THADA: variants seen among roughly 807,000 people sequenced by gnomAD.
THADA encodes the protein tRNA (32-2'-O)-methyltransferase regulator THADA.
A neutral mutation model predicts 219.8 loss-of-function variants in THADA; 213 were observed. That is an observed-to-expected ratio of 0.97 (90% confidence interval 0.87 to 1.09). The LOEUF is 1.09. Among genes scored for constraint, THADA ranks in the 50% least tolerant of loss-of-function variants. The pLI is 0.00. For synonymous variants in THADA, 1,018 were observed against 828.9 expected (o/e 1.23, Z -3.92); for missense variants, 2,956 against 2,311.3 (o/e 1.28, Z -5.72).
At chr2:43,318,211 A>ATT (rs1013892758) in intron 31 of THADA, among the ~76,000 whole-genome samples, 1 of 144,430 alleles carries the variant, frequency 6.9e-6, no homozygotes, top group Non-Finnish European at 1.5e-5. Flanking sequence ...GGCTAATTAA[A>ATT]TTTTTTTTTT....
intron 29 of THADA, among the ~76,000 whole-genome samples, chr2:43,373,303 A>T (rs1428292545): frequency 6.6e-6 from 1 of 152,184 alleles, no homozygotes; most frequent in Non-Finnish European, 1.5e-5. Context: ...CAACATTTTC[A>T]CTATCTCTAT....
rs370411818 is a variant in THADA at position 43,592,349 on chromosome 2, G to A, written c.44C>T (p.Thr15Ile). The change falls in exon 2 of 38, where the codon ACC becomes ATC. Residue 15 changes from threonine (T) to isoleucine (I), a missense_variant. By Grantham distance (89) the Thr-to-Ile change is moderately conservative. Transcript: ENST00000405975. ...KKKEMQVAAL[T>I]ICHQDLETLK... is the part of the protein sequence containing the mutation. ...AGTTTCAAGGTCCTGATGGCAAATG[G>A]TCAGCGCAGCAACTTGCATTTCTTT... 8 of 1,608,782 alleles carry A rather than the reference G, an allele frequency of 5.0e-6. No individual in the cohort carries two copies. Among genetic ancestry groups the A allele is most frequent in the Non-Finnish European group, 6.8e-6 (8 of 1,177,618 alleles).
At chr2:43,383,320 C>G (rs930268899) in intron 29 of THADA, among the ~76,000 whole-genome samples, 1 of 152,098 alleles carries the variant, frequency 6.6e-6, no homozygotes, top group African/African-American at 2.4e-5. Context: ...AGGCACAATC[C>G]CTGCCGTCCA....
intron 28 of THADA, among the ~76,000 whole-genome samples, chr2:43,425,638 C>T (rs1306584309): frequency 3.3e-5 from 5 of 152,120 alleles, no homozygotes; most frequent in Non-Finnish European, 7.3e-5. Flanking sequence ...TATATGATAG[C>T]CAAGTGATAT....
intron 22 of THADA, among the ~76,000 whole-genome samples, chr2:43,526,774 A>C (rs6726917): frequency 0.12 from 18,940 of 152,128 alleles, 1,434 homozygotes; most frequent in African/African-American, 0.21. Flanking sequence ...TCAAACTAAA[A>C]CATAAGCTCT....
chr2:43,446,542 C>T (rs1349428871), intron 26 of THADA, among the ~76,000 whole-genome samples: 1 of 152,162 alleles, frequency 6.6e-6, no homozygotes, highest in Non-Finnish European at 1.5e-5. Flanking sequence ...TTCTATCAGC[C>T]CCAGCTGAGG....
At chr2:43,357,625 A>G (rs566650345) in intron 29 of THADA, among the ~76,000 whole-genome samples, 72 of 152,336 alleles carry the variant, frequency 4.7e-4, no homozygotes, top group African/African-American at 1.7e-3. Context: ...GAAATGACCA[A>G]TACGGGACCA....
At chr2:43,548,541 G>C (rs891424052) in intron 20 of THADA, among the ~76,000 whole-genome samples, 1 of 152,184 alleles carries the variant, frequency 6.6e-6, no homozygotes, top group Non-Finnish European at 1.5e-5. Flanking sequence ...CTTCCTGCCT[G>C]CTTTGTTTAC....
intron 26 of THADA, among the ~76,000 whole-genome samples, chr2:43,464,215 G>A (rs948524714): frequency 3.9e-5 from 6 of 152,032 alleles, no homozygotes; most frequent in Non-Finnish European, 8.8e-5. Flanking sequence ...CCAACTTGAA[G>A]AGCAACTTCT....
chr2:43,445,728 C>G (rs778710871), intron 26 of THADA, among the ~76,000 whole-genome samples: 1 of 152,098 alleles, frequency 6.6e-6, no homozygotes, highest in Non-Finnish European at 1.5e-5. Context: ...GCTAAGAGTG[C>G]GGTAGCACAG....
At chr2:43,331,918 TACAC>T (rs141276481) in intron 30 of THADA, among the ~76,000 whole-genome samples, 7 of 142,734 alleles carry the variant, frequency 4.9e-5, no homozygotes, top group South Asian at 2.2e-4. Flanking sequence ...ATATATCTAA[TACAC>T]ACACACACAC....
At chr2:43,427,360 G>A (rs922477759) in intron 28 of THADA, among the ~76,000 whole-genome samples, 1 of 152,032 alleles carries the variant, frequency 6.6e-6, no homozygotes, top group Non-Finnish European at 1.5e-5. Context: ...ACCTGCCTTG[G>A]AGCAGACAGG....
At chr2:43,490,965 C>G (rs1164001546) in intron 25 of THADA, among the ~76,000 whole-genome samples, 1 of 152,074 alleles carries the variant, frequency 6.6e-6, no homozygotes, top group East Asian at 1.9e-4. Flanking sequence ...CAGAACAACA[C>G]TTAAAAGAGT....
chr2:43,498,980 T>C (rs778078086), intron 24 of THADA, 25 bp from the exon 25 acceptor site: 4 of 1,550,696 alleles, frequency 2.6e-6, no homozygotes, highest in Non-Finnish European at 2.6e-6. Context: ...TCAAAATTAG[T>C]TGTGGGTTGA....
chr2:43,514,330 A>G (rs1406413753), intron 22 of THADA, among the ~76,000 whole-genome samples: 2 of 150,528 alleles, frequency 1.3e-5, no homozygotes, highest in African/African-American at 4.9e-5. Flanking sequence ...ACTTGCCTGT[A>G]GTCTCAGCTA....
Position 43,590,947 on chromosome 2 carries a change from G to A in THADA, c.179C>T (p.Pro60Leu). The change falls in exon 4 of 38, where the codon CCT (proline) becomes CTT (leucine). Residue 60 changes from proline to leucine, a missense_variant. Physicochemically the swap from Pro to Leu is moderately conservative, Grantham distance 98. Transcript: ENST00000405975. ...SQIHYIKQIV[P>L]LLEKADKNGM... ...ATTTTTATCTGCTTTCTCCAGCAGA[G>A]GCACAATCTATAATACAAAACATTG... 1.2e-6 allele frequency: 2 copies of A among 1,612,012 alleles called. No individual in the cohort carries two copies. The highest frequency in any genetic ancestry group is 1.3e-5 in the African/African-American group (1 of 74,918).
At chr2:43,516,959 A>G (rs1475641582) in intron 22 of THADA, among the ~76,000 whole-genome samples, 1 of 152,194 alleles carries the variant, frequency 6.6e-6, no homozygotes, top group East Asian at 1.9e-4. Flanking sequence ...TTACCAGAGA[A>G]TACAATTTTT....
intron 37 of THADA, 37 bp from the exon 38 acceptor site, chr2:43,231,380 G>A (rs890251172): frequency 4.7e-6 from 7 of 1,478,572 alleles, no homozygotes; most frequent in Non-Finnish European, 6.3e-6. Context: ...CAGTCTTACA[G>A]GGAATGGTGA....
chr2:43,345,288 G>C (rs765064450), intron 29 of THADA, among the ~76,000 whole-genome samples: 5 of 152,188 alleles, frequency 3.3e-5, no homozygotes, highest in African/African-American at 1.2e-4. Context: ...AACAGAAAAG[G>C]CCAGATAAAA....
Sources: gnomAD v4.1 joint callset for allele counts (sites outside exome capture counted in the v4.1 genomes callset) on GRCh38, gnomAD v4.1.1 for gene constraint, MANE v1.5 for transcripts, NCBI Gene and HGNC (gene_info 2026-07-23, HGNC 2026-07-21) for gene names.